Variants in ADORA2B observed in about 807,000 individuals in gnomAD.
ADORA2B encodes the protein adenosine A2b receptor, also known as adenosine receptor A2b.
A neutral mutation model predicts 20.8 loss-of-function variants in ADORA2B; 18 were observed. That is an observed-to-expected ratio of 0.87 (90% CI 0.60 to 1.29). ADORA2B has a LOEUF of 1.29. Ranked by LOEUF, ADORA2B falls within the 50% of genes most tolerant of loss-of-function variation. The pLI is 0.00. For synonymous variants in ADORA2B, 179 were observed against 178.3 expected (o/e 1.00, Z -0.03); for missense variants, 441 against 422.7 (o/e 1.04, Z -0.38).
chr17:15,923,556 C>G, the ADORA2B span, among the ~76,000 whole-genome samples: 1 of 151,890 alleles, frequency 6.6e-6, no homozygotes. Context: ...AGGCGCCCAC[C>G]ACCACGCCCG....
At chr17:15,862,326 A>G in the ADORA2B span, among the ~76,000 whole-genome samples, 2 of 146,316 alleles carry the variant, frequency 1.4e-5, no homozygotes, top group Non-Finnish European at 3.0e-5. Context: ...AGTGATTCTC[A>G]TGCCTCAGCC....
chr17:15,909,239 G>A, the ADORA2B span, among the ~76,000 whole-genome samples: 1 of 152,004 alleles, frequency 6.6e-6, no homozygotes, highest in Non-Finnish European at 1.5e-5. Flanking sequence ...CTTTGCTCTT[G>A]GGAAGCTTGT....
chr17:15,862,051 A>G, the ADORA2B span, among the ~76,000 whole-genome samples: 9 of 151,918 alleles, frequency 5.9e-5, no homozygotes, highest in Non-Finnish European at 1.2e-4. Context: ...GTCTTTGTGT[A>G]TAAGGTTCTA....
the ADORA2B span, among the ~76,000 whole-genome samples, chr17:15,913,276 G>C: frequency 5.3e-5 from 8 of 152,212 alleles, no homozygotes; most frequent in Non-Finnish European, 1.0e-4. Flanking sequence ...AAATGCTACA[G>C]CCTAATGTGT....
the ADORA2B span, among the ~76,000 whole-genome samples, chr17:15,871,037 G>A: frequency 3.9e-5 from 6 of 152,138 alleles, no homozygotes; most frequent in African/African-American, 9.7e-5. Context: ...AAAGACGAAG[G>A]GCTCTCCCGT....
the ADORA2B span, among the ~76,000 whole-genome samples, chr17:15,895,194 A>G: frequency 1.3e-5 from 2 of 152,196 alleles, no homozygotes; most frequent in Non-Finnish European, 2.9e-5. Context: ...AAATGTTAAC[A>G]TTTAAATGTT....
the ADORA2B span, among the ~76,000 whole-genome samples, chr17:15,881,631 T>C: frequency 6.6e-6 from 1 of 152,224 alleles, no homozygotes; most frequent in East Asian, 1.9e-4. Flanking sequence ...TTGCTTTGTC[T>C]CTGAATTTAC....
At chr17:15,969,076 A>G (rs1970155236) in intron 1 of ADORA2B, among the ~76,000 whole-genome samples, 1 of 151,946 alleles carries the variant, frequency 6.6e-6, no homozygotes, top group Non-Finnish European at 1.5e-5. Context: ...CCTTCCTTCC[A>G]CTGCAGCTGA....
chr17:15,885,263 G>A, the ADORA2B span, among the ~76,000 whole-genome samples: 4 of 152,098 alleles, frequency 2.6e-5, no homozygotes, highest in Non-Finnish European at 5.9e-5. Flanking sequence ...TTTTAAAGGG[G>A]TTGTTTTCTT....
At position 15,945,401 on chromosome 17, in the gene ADORA2B, G is replaced by T; in HGVS notation, c.153G>T (p.Ala51=). 3.1e-6 allele frequency: 5 copies of T among 1,613,434 alleles called. No individual in the cohort carries two copies. In the South Asian group the frequency reaches 4.4e-5, roughly 14 times the overall value. The change falls in exon 1 of 2, where the codon GCG becomes GCT. Residue 51 remains alanine, a synonymous_variant. Transcript: ENST00000304222. ...ACTACTTCCTGGTGTCCCTGGCTGC[G>T]GCCGACGTGGCCGTGGGGCTCTTCG... ...PTNYFLVSLA[A]ADVAVGLFAI... is the part of the protein sequence containing the mutation.
the ADORA2B span, among the ~76,000 whole-genome samples, chr17:15,881,361 G>A: frequency 6.6e-5 from 10 of 152,068 alleles, no homozygotes; most frequent in African/African-American, 1.9e-4. Context: ...TCGGCCTCCC[G>A]AAGTGCTGGG....
chr17:15,882,210 G>A, the ADORA2B span, among the ~76,000 whole-genome samples: 7 of 152,320 alleles, frequency 4.6e-5, no homozygotes, highest in South Asian at 1.5e-3. Flanking sequence ...GGAGGCTCCA[G>A]TGGGCTGTGG....
intron 1 of ADORA2B, among the ~76,000 whole-genome samples, chr17:15,955,986 C>T (rs1293299295): frequency 6.6e-6 from 1 of 151,808 alleles, no homozygotes; most frequent in Non-Finnish European, 1.5e-5. Context: ...TCCATAAATG[C>T]TGGGATTACA....
the ADORA2B span, among the ~76,000 whole-genome samples, chr17:15,909,683 G>A: frequency 1.3e-5 from 2 of 152,362 alleles, no homozygotes; most frequent in South Asian, 4.1e-4. Context: ...CTGCTTTGCA[G>A]GGTTCAGCAG....
upstream of ADORA2B, chr17:15,944,940 G>A: frequency 4.6e-6 from 1 of 218,912 alleles, no homozygotes; most frequent in Non-Finnish European, 9.0e-6. This position sits in a 1 kb window ranked among gnomAD's most constrained non-coding sequence, Gnocchi z 4.8. Flanking sequence ...GTTATCCGCC[G>A]CCACCAAGAC....
At chr17:15,881,105 A>C in the ADORA2B span, among the ~76,000 whole-genome samples, 12,964 of 151,490 alleles carry the variant, frequency 0.086, 1,556 homozygotes, top group African/African-American at 0.27. Flanking sequence ...TTCTTTTTTT[A>C]TTTTTATTTA....
intron 1 of ADORA2B, among the ~76,000 whole-genome samples, chr17:15,973,174 G>C (rs923860422): frequency 1.3e-5 from 2 of 152,182 alleles, no homozygotes; most frequent in Non-Finnish European, 2.9e-5. Flanking sequence ...GTGTTTGTGG[G>C]AAGCCAGAAA....
At chr17:15,867,806 G>A in the ADORA2B span, among the ~76,000 whole-genome samples, 2 of 147,374 alleles carry the variant, frequency 1.4e-5, no homozygotes, top group Admixed American at 6.7e-5. Context: ...GGGCGCCTCT[G>A]CCCGGCCGCC....
At chr17:15,957,866 GCTTT>G (rs1377254474) in intron 1 of ADORA2B, among the ~76,000 whole-genome samples, 1 of 151,988 alleles carries the variant, frequency 6.6e-6, no homozygotes, top group Non-Finnish European at 1.5e-5. Context: ...TCCCAAAGCA[GCTTT>G]CTGTCTATGA....
Sources: gnomAD v4.1 joint callset for allele counts (sites outside exome capture counted in the v4.1 genomes callset) on GRCh38, gnomAD v4.1.1 for gene constraint, Gnocchi (gnomAD v3.1) non-coding constraint, MANE v1.5 for transcripts, NCBI Gene and HGNC (gene_info 2026-07-23, HGNC 2026-07-21) for gene names.